SLCO1A2: variants seen among roughly 807,000 people sequenced by gnomAD.
SLCO1A2 encodes OATP-1.
A neutral mutation model predicts 69.0 loss-of-function variants in SLCO1A2; 67 were observed. The ratio of observed to expected loss-of-function variants is 0.97; its 90% CI spans 0.80 to 1.19. The LOEUF (loss-of-function observed/expected upper bound fraction) is 1.19. Among genes scored for constraint, SLCO1A2 ranks in the 50% most tolerant of loss-of-function variants. SLCO1A2 has a pLI of 0.00. For synonymous variants in SLCO1A2, 260 were observed against 265.9 expected (o/e 0.98, Z 0.22); for missense variants, 787 against 793.7 (o/e 0.99, Z 0.10).
Position 21,269,732 on chromosome 12 carries a change from CCT to C in SLCO1A2, c.1827_1828del (p.Gly610IlefsTer21). ...GATTAAGGCTGGAACAAAGCTTGAT[CCT>C]CTTAGTGCTGCCGGCAATCCGAGGT... On this transcript the variant is annotated frameshift_variant, in exon 15 of 15. Coordinates refer to ENST00000683939, the MANE Select transcript of SLCO1A2 (RefSeq NM_001386879.1). LOFTEE classifies it low-confidence loss of function (END_TRUNC). 6.2e-7 allele frequency: 1 copy of C among 1,611,784 alleles called. No homozygotes were observed. The highest frequency in any genetic ancestry group is 8.5e-7 in the Non-Finnish European group (1 of 1,178,584).
At chr12:21,389,281 T>G (rs1256044691) in intron 1 of SLCO1A2, among the ~76,000 whole-genome samples, 1 of 152,210 alleles carries the variant, frequency 6.6e-6, no homozygotes, top group African/African-American at 2.4e-5. Flanking sequence ...AATTAGCCTC[T>G]GCAAAGCTTA....
chr12:21,404,302 T>C (rs994880817), intron 1 of SLCO1A2, among the ~76,000 whole-genome samples: 2 of 152,148 alleles, frequency 1.3e-5, no homozygotes, highest in Admixed American at 6.5e-5. Context: ...TAGGTAAAAA[T>C]GTGCCATGAT....
intron 12 of SLCO1A2, among the ~76,000 whole-genome samples, chr12:21,285,591 T>C (rs373623307): frequency 0.17 from 22,474 of 132,826 alleles, 2,389 homozygotes; most frequent in African/African-American, 0.3. Context: ...TTGATGAACA[T>C]TGATGCAAAA....
intron 2 of SLCO1A2, among the ~76,000 whole-genome samples, chr12:21,325,261 G>A (rs1195139729): frequency 6.6e-6 from 1 of 152,088 alleles, no homozygotes; most frequent in Admixed American, 6.6e-5. Context: ...GTACTTGATA[G>A]GAGAAACATC....
At chr12:21,291,084 A>G (rs1407248527) in intron 12 of SLCO1A2, among the ~76,000 whole-genome samples, 1 of 152,196 alleles carries the variant, frequency 6.6e-6, no homozygotes, top group East Asian at 1.9e-4. Context: ...GTATCAGGAC[A>G]TCACATATTG....
At position 21,268,090 on chromosome 12, in the gene SLCO1A2, C is replaced by G. The variant is rs1298110283; in HGVS notation, c.*1458G>C. On this transcript the variant is annotated 3_prime_UTR_variant, in exon 15 of 15. Coordinates refer to ENST00000683939, the MANE Select transcript of SLCO1A2 (RefSeq NM_001386879.1). Reference sequence around the variant, plus strand: ...CAGCCTTTCTCTTCTCATTTGCTTTCTTTTTTCATATGATGCATCTGATCA... The same window carrying G: ...CAGCCTTTCTCTTCTCATTTGCTTTGTTTTTTCATATGATGCATCTGATCA... 7.7e-6 allele frequency: 1 copy of G among 129,154 alleles called. No homozygotes were observed. 8.0% of individuals were successfully genotyped at this position (129,154 alleles called of 1,614,324 possible).
intron 14 of SLCO1A2, among the ~76,000 whole-genome samples, chr12:21,271,684 T>C (rs1054518316): frequency 2.7e-5 from 4 of 148,440 alleles, no homozygotes; most frequent in Admixed American, 6.8e-5. Context: ...TACCTATGTG[T>C]ATATAAACAT....
intron 1 of SLCO1A2, chr12:21,379,521 C>T (rs1012694336): frequency 6.6e-6 from 1 of 152,158 alleles, no homozygotes; most frequent in African/African-American, 2.4e-5. Flanking sequence ...TTTTGTTTAA[C>T]AAATTAGACA....
At chr12:21,285,008 G>A (rs2136219988) in intron 12 of SLCO1A2, among the ~76,000 whole-genome samples, 1 of 112,622 alleles carries the variant, frequency 8.9e-6, no homozygotes. Context: ...ACTAAAATCA[G>A]AGCAGAACTG....
intron 2 of SLCO1A2, among the ~76,000 whole-genome samples, chr12:21,353,603 A>G (rs956848056): frequency 1.3e-5 from 2 of 152,196 alleles, no homozygotes; most frequent in African/African-American, 4.8e-5. Context: ...TTTAGCTCAC[A>G]TGTGAAAATC....
intron 1 of SLCO1A2, among the ~76,000 whole-genome samples, chr12:21,375,473 C>T (rs563018364): frequency 6.3e-4 from 96 of 152,244 alleles, no homozygotes; most frequent in Non-Finnish European, 1.1e-3. Context: ...ATTTTCCTCA[C>T]AAAATTTAAT....
At chr12:21,396,065 A>G (rs1265955322), upstream of SLCO1A2, among the ~76,000 whole-genome samples, 1 of 151,828 alleles carries the variant, frequency 6.6e-6, no homozygotes, top group Non-Finnish European at 1.5e-5. Context: ...TCAGACGATC[A>G]AATTACTCTG....
In SLCO1A2 at chr12:21,411,459, T is replaced by G. The variant is rs147586985; in HGVS notation, c.-312+6423A>C. Among the ~76,000 whole-genome samples the G allele has an allele frequency of 3.3e-4, 50 of 152,310 alleles. 1 individual carries two copies. Among genetic ancestry groups the G allele is most frequent in the African/African-American group, 1.1e-3 (45 of 41,574 alleles). On this transcript the variant is annotated intron_variant, in intron 1 of 4. Transcript: ENST00000413682. Reference sequence around the variant, plus strand: ...TGTTTCTGGGCTCATTCTATTACACTGTGTCAATTTATCTATCCTCACACT... The same window carrying G: ...TGTTTCTGGGCTCATTCTATTACACGGTGTCAATTTATCTATCCTCACACT...
chr12:21,273,264 C>G (rs1440046862), intron 14 of SLCO1A2, among the ~76,000 whole-genome samples: 1 of 152,118 alleles, frequency 6.6e-6, no homozygotes, highest in East Asian at 1.9e-4. Flanking sequence ...TTCTTATCAT[C>G]ATGGACAACA....
At chr12:21,319,515 C>G in intron 2 of SLCO1A2, 1 of 1,307,348 alleles carries the variant, frequency 7.6e-7, no homozygotes, top group African/African-American at 1.5e-5. Context: ...AACCCTTGAG[C>G]TCAGCAATCC....
At chr12:21,341,457 AT>A (rs5796897) in intron 2 of SLCO1A2, among the ~76,000 whole-genome samples, 102,168 of 151,894 alleles carry the variant, frequency 0.67, 36,729 homozygotes, top group East Asian at 1. Flanking sequence ...TAATAAGAAT[AT>A]AGAACACTTT....
intron 9 of SLCO1A2, among the ~76,000 whole-genome samples, chr12:21,296,131 A>C (rs190670565): frequency 5.7e-4 from 87 of 152,312 alleles, no homozygotes; most frequent in African/African-American, 2.1e-3. Context: ...TTGGCCAGTA[A>C]TTTATTCATT....
chr12:21,293,805 T>G, intron 11 of SLCO1A2, 140 bp downstream of exon 11: 1 of 593,250 alleles, frequency 1.7e-6, no homozygotes, highest in Non-Finnish European at 2.7e-6. Flanking sequence ...GTGACCATCA[T>G]AGAGTTATTT....
At chr12:21,411,345 G>T (rs781545832) in intron 1 of SLCO1A2, among the ~76,000 whole-genome samples, 38 of 152,064 alleles carry the variant, frequency 2.5e-4, no homozygotes, top group Non-Finnish European at 3.7e-4. Flanking sequence ...TTTCCATATA[G>T]ATATGCTTCT....
Sources: allele counts gnomAD v4.1 joint callset (sites outside exome capture counted in the v4.1 genomes callset), GRCh38; gene constraint gnomAD v4.1.1; transcripts MANE v1.5; gene names NCBI Gene and HGNC (gene_info 2026-07-23, HGNC 2026-07-21).